Variants in PDS5A observed in about 807,000 individuals in gnomAD.
PDS5A encodes the protein PDS5 cohesin associated factor A.
A neutral mutation model predicts 167.1 loss-of-function variants in PDS5A; 42 were observed. The observed-to-expected ratio is 0.25, with a 90% CI of 0.20 to 0.33. The LOEUF (loss-of-function observed/expected upper bound fraction) is 0.33. PDS5A is among the 10% of genes least tolerant of loss of function. The probability of loss-of-function intolerance (pLI) is 1.00; values close to 1 mark genes in which losing one functional copy is unlikely to be tolerated. For synonymous variants in PDS5A, 553 were observed against 554.6 expected, an observed-to-expected ratio of 1.00 and a Z score of 0.04; for missense variants, 1,033 against 1,605.9, an observed-to-expected ratio of 0.64 and a Z score of 6.10.
At chr4:39,975,106 CAAA>C (rs57418654) in intron 2 of PDS5A, among the ~76,000 whole-genome samples, 12 of 85,232 alleles carry the variant, frequency 1.4e-4, no homozygotes, top group East Asian at 3.1e-4. Flanking sequence ...GACTCCGTCT[CAAA>C]AAAAAAAAAA....
chr4:39,883,742 C>T (rs1363313165), intron 17 of PDS5A, among the ~76,000 whole-genome samples: 6 of 151,834 alleles, frequency 4.0e-5, no homozygotes, highest in Non-Finnish European at 7.4e-5. Context: ...CTCATTCTTC[C>T]ACCTCAGCCT....
chr4:39,940,218 GGAAGAAAAAATA>G (rs1168387560), intron 2 of PDS5A, among the ~76,000 whole-genome samples: 2 of 151,722 alleles, frequency 1.3e-5, no homozygotes, highest in African/African-American at 4.8e-5. Flanking sequence ...GACCCTGTCT[GGAAGAAAAAATA>G]AAAGAAAAAA....
chr4:39,916,980 AT>A, intron 8 of PDS5A, 67 bp downstream of exon 8: 3 of 973,886 alleles, frequency 3.1e-6, no homozygotes, highest in Non-Finnish European at 4.2e-6. Context: ...AAATTGGTCA[AT>A]TTTACATTGT....
intron 2 of PDS5A, among the ~76,000 whole-genome samples, chr4:39,960,195 G>A (rs546952606): frequency 1.3e-5 from 2 of 152,246 alleles, no homozygotes; most frequent in East Asian, 3.9e-4. Context: ...CTTGAACCCA[G>A]GAGGCAAAGG....
At chr4:39,937,714 CT>C (rs555043865) in intron 2 of PDS5A, among the ~76,000 whole-genome samples, 17 of 152,276 alleles carry the variant, frequency 1.1e-4, no homozygotes, top group African/African-American at 3.9e-4. Context: ...GCCAAATGAA[CT>C]TTTTGTAAGT....
At chr4:39,908,000 G>C (rs1437248235) in intron 11 of PDS5A, among the ~76,000 whole-genome samples, 1 of 152,166 alleles carries the variant, frequency 6.6e-6, no homozygotes, top group Non-Finnish European at 1.5e-5. Context: ...ACTTTCTTAG[G>C]AAGTAAAGTT....
chr4:39,938,283 G>A (rs1324624227), intron 2 of PDS5A, among the ~76,000 whole-genome samples: 1 of 152,124 alleles, frequency 6.6e-6, no homozygotes, highest in African/African-American at 2.4e-5. Context: ...GGCCGGGCAC[G>A]GTGGCTCACA....
chr4:39,930,255 G>GTTTTTTTTTT (rs1421768439), intron 2 of PDS5A, among the ~76,000 whole-genome samples: 1 of 80,512 alleles, frequency 1.2e-5, no homozygotes, highest in Non-Finnish European at 2.5e-5. Flanking sequence ...AAGTTTTTTT[G>GTTTTTTTTTT]TTTTTTGTTT....
At chr4:39,951,927 T>G (rs1728442549) in intron 2 of PDS5A, among the ~76,000 whole-genome samples, 1 of 134,382 alleles carries the variant, frequency 7.4e-6, no homozygotes, top group Admixed American at 7.2e-5. Context: ...AAAATCTGTA[T>G]CACTAACACT....
intron 26 of PDS5A, among the ~76,000 whole-genome samples, chr4:39,858,639 T>A (rs536273431): frequency 2.0e-4 from 30 of 152,328 alleles, no homozygotes; most frequent in African/African-American, 7.2e-4. Context: ...TTTCTTTTTT[T>A]TAAGATGCAG....
chr4:39,859,858 C>A (rs946884697), intron 26 of PDS5A, among the ~76,000 whole-genome samples: 2 of 152,220 alleles, frequency 1.3e-5, no homozygotes, highest in Admixed American at 1.3e-4. Context: ...GAGCAGGGCA[C>A]TGACTGTGCT....
chr4:39,863,242 A>G (rs1185093414), intron 24 of PDS5A, 94 bp downstream of exon 24: 7 of 1,025,010 alleles, frequency 6.8e-6, no homozygotes, highest in South Asian at 1.7e-5. Flanking sequence ...ACTTTTGTGC[A>G]TATATTCACA....
At position 39,848,939 on chromosome 4, in the gene PDS5A, C is replaced by T. The variant is rs1717875731; in HGVS notation, c.3251G>A (p.Cys1084Tyr). ...KLYTVCDVAL[C>Y]VINSKSALCN... ...CAAAGCACTTTTACTATTTATAACACAGAGAGCCACATCACATACTGTATA... is the reference window on the plus strand; with the variant it reads ...CAAAGCACTTTTACTATTTATAACATAGAGAGCCACATCACATACTGTATA... The change falls in exon 28 of 33, where the codon TGT becomes TAT. Residue 1084 changes from cysteine (C) to tyrosine (Y), a missense_variant. Cys to Tyr is a radical substitution (Grantham distance 194, BLOSUM62 -2). Coordinates refer to ENST00000303538, the MANE Select transcript of PDS5A (RefSeq NM_001100399.2). The T allele has an allele frequency of 1.9e-6, 3 of 1,602,578 alleles. No individual in the cohort carries two copies. The highest frequency in any genetic ancestry group is 2.2e-5 in the South Asian group (2 of 89,558).
In PDS5A at chr4:39,844,725, G is replaced by C. The variant is rs527745895; in HGVS notation, c.3479C>G (p.Thr1160Ser). 4.3e-6 allele frequency: 7 copies of C among 1,613,380 alleles called. No homozygotes were observed. The African/African-American group carries it at 9.3e-5, about 22-fold the overall frequency. The change falls in exon 30 of 33, where the codon ACT (threonine) becomes AGT (serine). Residue 1160 changes from threonine to serine, a missense_variant. Thr to Ser is a moderately conservative substitution (Grantham distance 58, BLOSUM62 1). Coordinates refer to ENST00000303538, the MANE Select transcript of PDS5A (RefSeq NM_001100399.2). ...AATATTGCTTCCAGTCTCAGTGCCA[G>C]TGCTTCTAACATAGGGTTTCCTTCC... is the stretch of plus-strand genomic sequence containing the variant. ...ATGRKPYVRS[T>S]GTETGSNINV...
intron 17 of PDS5A, among the ~76,000 whole-genome samples, chr4:39,887,070 AT>A (rs1459655725): frequency 1.3e-5 from 2 of 152,114 alleles, no homozygotes; most frequent in African/African-American, 4.8e-5. Flanking sequence ...AACAAGGCTA[AT>A]TTGACTTCCT....
intron 32 of PDS5A, among the ~76,000 whole-genome samples, chr4:39,836,496 G>A (rs1328743105): frequency 6.6e-6 from 1 of 151,946 alleles, no homozygotes; most frequent in Non-Finnish European, 1.5e-5. Flanking sequence ...GTGCAATGGC[G>A]CAATCTCTGC....
rs1338249705 is a variant in PDS5A at position 39,977,176 on chromosome 4, C to A, written c.-41+281G>T. ...CCTCCCCTGTTCCGCTCCCTCACCC[C>A]CGCGGGAGGGGAAAACAAGCCGCCC... is the stretch of plus-strand genomic sequence containing the variant. On this transcript the variant is annotated intron_variant, in intron 1 of 32. Transcript: ENST00000303538. The surrounding 1 kb of genome is among the most constrained non-coding windows in gnomAD (Gnocchi z 4.2). 1.1e-4 allele frequency among the ~76,000 whole-genome samples: 17 copies of A among 152,188 alleles called. 2 individuals carry two copies. In the South Asian group the frequency reaches 2.7e-3, roughly 24 times the overall value.
intron 12 of PDS5A, 144 bp from the exon 13 acceptor site, chr4:39,902,604 CCT>C (rs1722977281): frequency 4.0e-6 from 2 of 504,458 alleles, no homozygotes; most frequent in African/African-American, 2.0e-5. Context: ...CTCAATGCAA[CCT>C]CTGTCTCGCA....
chr4:39,844,839 C>A (rs761367678), intron 29 of PDS5A, 38 bp from the exon 30 acceptor site: 6 of 1,566,108 alleles, frequency 3.8e-6, no homozygotes, highest in Non-Finnish European at 4.3e-6. Context: ...AAAACACACA[C>A]GTTTATACCT....
Sources: allele counts gnomAD v4.1 joint callset (sites outside exome capture counted in the v4.1 genomes callset), GRCh38; gene constraint gnomAD v4.1.1; non-coding constraint Gnocchi (gnomAD v3.1); transcripts MANE v1.5; gene names NCBI Gene and HGNC (gene_info 2026-07-23, HGNC 2026-07-21).